Variants in SCG5 observed in about 807,000 individuals in gnomAD.
SCG5 encodes the protein secretogranin V.
A neutral mutation model predicts 25.7 loss-of-function variants in SCG5; 18 were observed. The observed-to-expected ratio is 0.70, with a 90% CI of 0.48 to 1.04. The LOEUF is 1.04. SCG5 is among the 50% of genes least tolerant of loss of function. The pLI is 0.00. For missense variants in SCG5, 206 were observed against 259.8 expected (o/e 0.79, Z 1.42); for synonymous variants, 101 against 91.7 (o/e 1.10, Z -0.58).
intron 4 of SCG5, among the ~76,000 whole-genome samples, chr15:32,685,713 G>C (rs1264332992): frequency 6.6e-6 from 1 of 152,230 alleles, no homozygotes; most frequent in African/African-American, 2.4e-5. Context: ...ATATGTCTGT[G>C]TTTCTGTGGT....
At chr15:32,649,420 A>G (rs559180797) in intron 2 of SCG5, among the ~76,000 whole-genome samples, 13 of 152,198 alleles carry the variant, frequency 8.5e-5, no homozygotes, top group Non-Finnish European at 1.8e-4. Flanking sequence ...AATGTCTGTT[A>G]TCTAGAATTG....
rs189543599 is a variant in SCG5 at position 32,683,593 on chromosome 15, G to A, written c.377-964G>A. Reference sequence around the variant, plus strand: ...ACATATTGCAAACCTATTATGTGCCGGGTGTTCTAAATGTAATCATCTCTA... The same window carrying A: ...ACATATTGCAAACCTATTATGTGCCAGGTGTTCTAAATGTAATCATCTCTA... On this transcript the variant is annotated intron_variant, in intron 3 of 5. Transcript: ENST00000300175. Among the ~76,000 whole-genome samples, 260 of 152,288 alleles carry A rather than the reference G, an allele frequency of 1.7e-3. 1 individual carries two copies. The highest frequency in any genetic ancestry group is 5.9e-3 in the African/African-American group (244 of 41,556).
chr15:32,692,236 C>T (rs2054871871), intron 5 of SCG5: 7 of 990,912 alleles, frequency 7.1e-6, no homozygotes, highest in Non-Finnish European at 8.4e-6. Context: ...GATGAACAAA[C>T]TTAATTTCTC....
intron 5 of SCG5, among the ~76,000 whole-genome samples, chr15:32,693,753 A>G (rs1997317): frequency 0.53 from 80,935 of 152,076 alleles, 21,761 homozygotes; most frequent in Admixed American, 0.58. Flanking sequence ...GCCCTACCCA[A>G]TCTCTTGCCC....
At chr15:32,687,412 A>G (rs16966853) in intron 4 of SCG5, among the ~76,000 whole-genome samples, 41,559 of 152,142 alleles carry the variant, frequency 0.27, 5,954 homozygotes, top group Admixed American at 0.33. Flanking sequence ...GATACCTTTT[A>G]TCATCTGCAA....
At chr15:32,648,206 A>G (rs566563033) in intron 2 of SCG5, among the ~76,000 whole-genome samples, 1 of 152,242 alleles carries the variant, frequency 6.6e-6, no homozygotes, top group East Asian at 1.9e-4. Context: ...ATCACACTTC[A>G]TGCCTCAATT....
At position 32,672,558 on chromosome 15, in the gene SCG5, C is replaced by T. The variant is rs139876096; in HGVS notation, c.227-7208C>T. 7.5e-4 allele frequency among the ~76,000 whole-genome samples: 115 copies of T among 152,322 alleles called. 2 individuals are homozygous for T. The highest frequency in any genetic ancestry group is 2.4e-3 in the African/African-American group (100 of 41,576). ...CTGGCTCTGCAGTAGTCACTGACAC[C>T]GGAGATCCCCTGAGTGACCTGGAAA... On this transcript the variant is annotated intron_variant, in intron 2 of 5. Transcript: ENST00000300175.
In SCG5 at chr15:32,643,719, C is replaced by T. The variant is rs555464001; in HGVS notation, c.127C>T (p.Leu43=). The part of the protein sequence containing the change: ...DRVSEADIQR[L]LHGVMEQLGI... Reference sequence around the variant, plus strand: ...GGTCTCAGAAGCAGATATCCAGAGGCTGCTTCATGGTGTTATGGAGCAATT... The same window carrying T: ...GGTCTCAGAAGCAGATATCCAGAGGTTGCTTCATGGTGTTATGGAGCAATT... The change falls in exon 2 of 6, where the codon CTG becomes TTG. Residue 43 remains leucine, a synonymous_variant. Transcript: ENST00000300175. 1.1e-5 allele frequency: 17 copies of T among 1,613,974 alleles called. No homozygotes were observed. In the South Asian group the frequency reaches 1.8e-4, roughly 17 times the overall value.
chr15:32,661,672 T>C lies in SCG5; in HGVS notation c.226+17854T>C, dbSNP rs561716568. On this transcript the variant is annotated intron_variant, in intron 2 of 5. Coordinates refer to ENST00000300175, the MANE Select transcript of SCG5 (RefSeq NM_001144757.3). ...TCTCCAGACATTGTCAAATGTCCTC[T>C]GAGGGTCAAAATCAGACCCGCTGTG... Among the ~76,000 whole-genome samples the C allele has an allele frequency of 3.7e-3, 564 of 152,320 alleles. 8 individuals are homozygous for C. Among genetic ancestry groups the C allele is most frequent in the Non-Finnish European group, 5.4e-3 (365 of 68,032 alleles).
chr15:32,681,697 A>G (rs958612553), intron 3 of SCG5, among the ~76,000 whole-genome samples: 2 of 151,556 alleles, frequency 1.3e-5, no homozygotes, highest in African/African-American at 2.4e-5. Flanking sequence ...CGATCCTCCC[A>G]CCTTGGCCTT....
chr15:32,681,688 G>A (rs1297566327), intron 3 of SCG5, among the ~76,000 whole-genome samples: 1 of 151,846 alleles, frequency 6.6e-6, no homozygotes, highest in African/African-American at 2.4e-5. Flanking sequence ...GAGCTCAAAC[G>A]ATCCTCCCAC....
chr15:32,679,713 G>C, intron 2 of SCG5, 53 bp from the exon 3 acceptor site: 1 of 1,584,930 alleles, frequency 6.3e-7, no homozygotes, highest in South Asian at 1.1e-5. Flanking sequence ...AATAAATATT[G>C]GTTGAAATTA....
intron 5 of SCG5, among the ~76,000 whole-genome samples, chr15:32,693,164 G>C (rs1166172845): frequency 1.3e-5 from 2 of 152,094 alleles, no homozygotes; most frequent in Non-Finnish European, 2.9e-5. Flanking sequence ...AGCAATGACT[G>C]ACCCAAAATC....
chr15:32,695,974 A>C (rs766486670), intron 5 of SCG5, among the ~76,000 whole-genome samples: 11 of 152,220 alleles, frequency 7.2e-5, no homozygotes, highest in Non-Finnish European at 1.5e-4. Context: ...TGAAAAACAC[A>C]ATTAGAGACA....
chr15:32,673,432 A>T lies in SCG5; in HGVS notation c.227-6334A>T, dbSNP rs140588823. ...TTACTGAAAATGTGGCTCATGGACC[A>T]GCAGCATCTGCACTATCTGGGAGCT... On this transcript the variant is annotated intron_variant, in intron 2 of 5. Transcript: ENST00000300175. Among the ~76,000 whole-genome samples the T allele has an allele frequency of 2.2e-3, 330 of 152,156 alleles. 1 individual carries two copies. Among genetic ancestry groups the T allele is most frequent in the African/African-American group, 7.7e-3 (320 of 41,504 alleles).
chr15:32,659,859 G>T (rs929664832), intron 2 of SCG5, among the ~76,000 whole-genome samples: 3 of 151,676 alleles, frequency 2.0e-5, no homozygotes, highest in African/African-American at 7.3e-5. Flanking sequence ...TCCCTTCTCT[G>T]TATCTTGCTT....
intron 2 of SCG5, among the ~76,000 whole-genome samples, chr15:32,677,955 T>C (rs11633548): frequency 0.42 from 64,018 of 152,118 alleles, 13,984 homozygotes; most frequent in East Asian, 0.71. Context: ...GGTTTTCGTA[T>C]GTATGAGACA....
intron 2 of SCG5, among the ~76,000 whole-genome samples, chr15:32,675,318 A>G (rs1366681321): frequency 6.6e-6 from 1 of 152,084 alleles, no homozygotes; most frequent in Non-Finnish European, 1.5e-5. Context: ...CTTTTGACTC[A>G]TCTCTCTCCT....
intron 4 of SCG5, among the ~76,000 whole-genome samples, chr15:32,690,900 TA>T (rs1432012441): frequency 2.0e-5 from 3 of 149,766 alleles, no homozygotes; most frequent in African/African-American, 7.4e-5. Flanking sequence ...AAAAATCAAA[TA>T]AATAAAACAA....
Sources: gnomAD v4.1 joint callset for allele counts (sites outside exome capture counted in the v4.1 genomes callset) on GRCh38, gnomAD v4.1.1 for gene constraint, MANE v1.5 for transcripts, NCBI Gene and HGNC (gene_info 2026-07-23, HGNC 2026-07-21) for gene names.